PSMA1: variants seen among roughly 807,000 people sequenced by gnomAD.
PSMA1 encodes proteasome 20S subunit alpha 1.
PSMA1 carries 3 observed loss-of-function variants against 38.4 expected under a neutral mutation model. That is an observed-to-expected ratio of 0.08 (90% CI 0.04 to 0.20). PSMA1 has a LOEUF of 0.20. PSMA1 is among the 10% of genes least tolerant of loss of function. PSMA1 has a pLI of 1.00. For missense variants in PSMA1, 227 were observed against 325.3 expected, an observed-to-expected ratio of 0.70 and a Z score of 2.32; for synonymous variants, 101 against 107.1, an observed-to-expected ratio of 0.94 and a Z score of 0.35.
intron 1 of PSMA1, among the ~76,000 whole-genome samples, chr11:14,620,058 G>A (rs1325298139): frequency 6.6e-6 from 1 of 151,836 alleles, no homozygotes; most frequent in Admixed American, 6.6e-5. Context: ...AAACACTCGT[G>A]TGTGTGTGCG....
chr11:14,586,133 C>T (rs758229998), intron 2 of PSMA1, among the ~76,000 whole-genome samples: 1 of 152,060 alleles, frequency 6.6e-6, no homozygotes, highest in South Asian at 2.1e-4. Context: ...TTTTTTGATA[C>T]ATTTAAAAGT....
intron 2 of PSMA1, among the ~76,000 whole-genome samples, chr11:14,526,326 T>A (rs1380987236): frequency 6.6e-6 from 1 of 152,160 alleles, no homozygotes; most frequent in East Asian, 1.9e-4. Flanking sequence ...ACACTAGCTC[T>A]CCCTGACTCA....
chr11:14,574,806 T>C (rs901530006), intron 2 of PSMA1, among the ~76,000 whole-genome samples: 5 of 152,184 alleles, frequency 3.3e-5, no homozygotes, highest in Admixed American at 6.5e-5. Context: ...TTCTTTCCTT[T>C]ATAAATTACC....
Position 14,615,899 on chromosome 11 carries a change from G to T in PSMA1, c.-165-4748C>A, listed in dbSNP as rs190292325. ...AGCCTTCTCTTCCTAGGAGGGTTTT[G>T]CAAAGACCGCAGTAGGACACGCAGA... is the stretch of plus-strand genomic sequence containing the variant. On this transcript the variant is annotated intron_variant, in intron 1 of 10. Coordinates refer to the PSMA1 transcript ENST00000418988. Among the ~76,000 whole-genome samples the T allele has an allele frequency of 2.5e-3, 379 of 152,270 alleles. 8 individuals are homozygous for T. In the South Asian group the frequency reaches 0.038, roughly 15 times the overall value.
intron 2 of PSMA1, among the ~76,000 whole-genome samples, chr11:14,541,207 C>T (rs1388871101): frequency 6.6e-6 from 1 of 152,184 alleles, no homozygotes; most frequent in Non-Finnish European, 1.5e-5. Context: ...GGCATCCTTG[C>T]ATAAAACCCT....
intron 1 of PSMA1, among the ~76,000 whole-genome samples, chr11:14,623,505 G>A (rs572876029): frequency 3.0e-4 from 46 of 152,280 alleles, no homozygotes; most frequent in African/African-American, 5.8e-4. Flanking sequence ...CTGTCTGGTC[G>A]GGGCCTGGAA....
chr11:14,572,894 C>T (rs1311654498), intron 2 of PSMA1, among the ~76,000 whole-genome samples: 4 of 152,156 alleles, frequency 2.6e-5, no homozygotes, highest in Non-Finnish European at 5.9e-5. Flanking sequence ...CACCTCTACG[C>T]AAATAAACTA....
chr11:14,642,610 G>T (rs973245978), intron 1 of PSMA1, among the ~76,000 whole-genome samples: 7 of 152,154 alleles, frequency 4.6e-5, no homozygotes, highest in Non-Finnish European at 1.5e-5. Context: ...ACACAGTAAG[G>T]TTTCTCATCT....
At chr11:14,613,904 TAAC>T (rs892156696) in intron 1 of PSMA1, among the ~76,000 whole-genome samples, 2 of 152,196 alleles carry the variant, frequency 1.3e-5, no homozygotes, top group African/African-American at 2.4e-5. Flanking sequence ...ATCACATTTA[TAAC>T]AAAATCAAAA....
intron 2 of PSMA1, among the ~76,000 whole-genome samples, chr11:14,529,054 CAT>C (rs1851617927): frequency 6.8e-6 from 1 of 146,324 alleles, no homozygotes; most frequent in Admixed American, 7.0e-5. Context: ...CACACGGACA[CAT>C]GAGACACCCA....
chr11:14,592,290 G>A (rs1260801363), intron 2 of PSMA1, among the ~76,000 whole-genome samples: 1 of 151,740 alleles, frequency 6.6e-6, no homozygotes, highest in Admixed American at 6.6e-5. Flanking sequence ...TCCGCTGCTC[G>A]CTCCTCCTCG....
intron 2 of PSMA1, among the ~76,000 whole-genome samples, chr11:14,610,635 A>G (rs1362764269): frequency 6.6e-6 from 1 of 152,178 alleles, no homozygotes; most frequent in Non-Finnish European, 1.5e-5. Flanking sequence ...TCTGCAGGAA[A>G]GGGTTAAGCC....
At chr11:14,507,608 A>G (rs755408010) in intron 9 of PSMA1, 48 bp downstream of exon 9, 6 of 1,278,124 alleles carry the variant, frequency 4.7e-6, no homozygotes, top group Non-Finnish European at 6.8e-6. Context: ...TGTGGTAAGA[A>G]CAGCAGCTTA....
At chr11:14,623,822 T>C (rs1353936062) in intron 1 of PSMA1, among the ~76,000 whole-genome samples, 2 of 152,182 alleles carry the variant, frequency 1.3e-5, no homozygotes, top group Non-Finnish European at 2.9e-5. Context: ...CTTCTGAATG[T>C]CCAACCTGTC....
At chr11:14,551,981 T>C (rs911468709) in intron 2 of PSMA1, among the ~76,000 whole-genome samples, 1 of 152,206 alleles carries the variant, frequency 6.6e-6, no homozygotes, top group Non-Finnish European at 1.5e-5. Flanking sequence ...AATAAGAATG[T>C]TGGCAGGACA....
At chr11:14,604,759 T>G (rs1852621472) in intron 2 of PSMA1, among the ~76,000 whole-genome samples, 1 of 152,160 alleles carries the variant, frequency 6.6e-6, no homozygotes, top group South Asian at 2.1e-4. Context: ...GCTGCCGTCT[T>G]TATGTCCATA....
At chr11:14,566,074 C>G (rs915105627) in intron 2 of PSMA1, among the ~76,000 whole-genome samples, 1 of 152,014 alleles carries the variant, frequency 6.6e-6, no homozygotes, top group Non-Finnish European at 1.5e-5. Flanking sequence ...CCAGTGTGGC[C>G]GGAGTGAAGT....
At chr11:14,527,555 C>T (rs1371296713) in intron 2 of PSMA1, among the ~76,000 whole-genome samples, 1 of 152,110 alleles carries the variant, frequency 6.6e-6, no homozygotes. Flanking sequence ...TTGTTCAGGC[C>T]CCTTCCCTTC....
Position 14,613,231 on chromosome 11 carries a change from T to A in PSMA1, c.-165-2080A>T, listed in dbSNP as rs577985141. 1.8e-3 allele frequency among the ~76,000 whole-genome samples: 275 copies of A among 148,860 alleles called. 2 individuals are homozygous for A. In the South Asian group the frequency reaches 0.022, roughly 12 times the overall value. On this transcript the variant is annotated intron_variant, in intron 1 of 10. Coordinates refer to the PSMA1 transcript ENST00000418988. ...TTAGGAGTTAAAAATCAATTTTTTT[T>A]TAAAAATTGAGATGGAGTCTTGCTC...
Sources: gnomAD v4.1 joint callset for allele counts (sites outside exome capture counted in the v4.1 genomes callset) on GRCh38, gnomAD v4.1.1 for gene constraint, MANE v1.5 for transcripts, NCBI Gene and HGNC (gene_info 2026-07-23, HGNC 2026-07-21) for gene names.